The following KRT82 variants were observed in gnomAD, a reference collection of about 807,000 sequenced individuals.
KRT82 encodes keratin, type II cuticular Hb2.
In KRT82, 44 loss-of-function variants were observed where a neutral mutation model predicts 48.0. That is an observed-to-expected ratio of 0.92 (90% CI 0.72 to 1.18). The LOEUF (loss-of-function observed/expected upper bound fraction) is 1.18, where lower values mean the gene tolerates loss of function less well. KRT82 is among the 50% of genes most tolerant of loss of function. The pLI is 0.00. For synonymous variants in KRT82, 297 were observed against 278.3 expected, an observed-to-expected ratio of 1.07 and a Z score of -0.67; for missense variants, 701 against 671.4, an observed-to-expected ratio of 1.04 and a Z score of -0.49.
chr12:52,404,616 G>A (rs1001077938), intron 1 of KRT82, among the ~76,000 whole-genome samples: 8 of 152,168 alleles, frequency 5.3e-5, no homozygotes, highest in Non-Finnish European at 1.0e-4. Flanking sequence ...TTTCCACATC[G>A]TGCATTGTCT....
Position 52,400,601 on chromosome 12 carries a change from T to A in KRT82, c.703A>T (p.Met235Leu). ...LKKDVDTAFL[M>L]KADLETNAEA... ...GCGTTGGTCTCCAGGTCAGCCTTCA[T>A]CAGGAAGGCTGTGTCCACGTCCTGC... The change falls in exon 4 of 9, where the codon ATG (methionine) becomes TTG (leucine). Residue 235 changes from methionine to leucine, a missense_variant. Met to Leu is a conservative substitution (Grantham distance 15). Transcript: ENST00000257974. The A allele has an allele frequency of 6.2e-7, 1 of 1,613,890 alleles. No individual in the cohort carries two copies. The highest frequency in any genetic ancestry group is 8.5e-7 in the Non-Finnish European group (1 of 1,179,850).
chr12:52,406,264 G>C lies in KRT82; in HGVS notation c.14C>G (p.Ser5Cys). The C allele has an allele frequency of 6.3e-7, 1 of 1,598,022 alleles. No individual in the cohort carries two copies. MSYHSFQPGSRCGSQ... is the reference protein window; with the variant it reads MSYHCFQPGSRCGSQ... ...GCCACACCTGGAGCCTGGCTGGAAA[G>C]AGTGGTACGACATGGCAGGAGAGAG... Residue 5 changes from serine to cysteine, a missense_variant, in exon 1 of 9, where the codon TCT (serine) becomes TGT (cysteine). By Grantham distance (112) the Ser-to-Cys change is moderately radical. Transcript: ENST00000257974.
Position 52,403,761 on chromosome 12 carries a change from C to T in KRT82, c.560G>A (p.Arg187His), listed in dbSNP as rs113026141. The change falls in exon 2 of 9, where the codon CGC becomes CAC. Residue 187 changes from arginine (R) to histidine (H), a missense_variant. Coordinates refer to ENST00000257974, the MANE Select transcript of KRT82 (RefSeq NM_033033.4). ...GCAGAGCTCTGACTCTAGCCTCACGCGGTCCCCGGACACACAGTCCAGCTG... is the reference window on the plus strand; with the variant it reads ...GCAGAGCTCTGACTCTAGCCTCACGTGGTCCCCGGACACACAGTCCAGCTG... ...RRQLDCVSGD[R>H]VRLESELCSL... 66 of 1,613,400 alleles carry T rather than the reference C, an allele frequency of 4.1e-5. 1 individual carries two copies. The highest frequency in any genetic ancestry group is 2.1e-4 in the African/African-American group (16 of 75,042).
rs1271687404 is a variant in KRT82 at position 52,394,691 on chromosome 12, A to G, written c.*284T>C. The G allele has an allele frequency of 3.8e-5, 19 of 496,938 alleles. No homozygotes were observed. The highest frequency in any genetic ancestry group is 7.0e-5 in the Non-Finnish European group (19 of 272,896). 30.8% of individuals were successfully genotyped at this position (496,938 alleles called of 1,614,324 possible). A position where few individuals can be genotyped will look rare whatever the true frequency, so the allele number is the denominator to read the frequency against. ...GTGCCCATTTGACCTTTTGGGGGTT[A>G]TTGCCATTCTGCGGTTAAGAGCAAT... On this transcript the variant is annotated 3_prime_UTR_variant, in exon 9 of 9. Transcript: ENST00000257974.
rs536501280 is a variant in KRT82 at position 52,396,187 on chromosome 12, C to T, written c.1114G>A (p.Glu372Lys). The T allele has an allele frequency of 5.0e-6, 8 of 1,614,126 alleles. No individual in the cohort carries two copies. The highest frequency in any genetic ancestry group is 1.6e-4 in the Middle Eastern group (1 of 6,062). ...CACTTGGCATCATTGAGAGCCGCCT[C>T]GCCCTGCTGCTCTGCCTCAGCTATG... ...GAIAEAEQQGEAALNDAKCKL... is the reference protein window; with the variant it reads ...GAIAEAEQQGKAALNDAKCKL... The change falls in exon 7 of 9, where the codon GAG (glutamate) becomes AAG (lysine). Residue 372 changes from glutamate to lysine, a missense_variant. Coordinates refer to ENST00000257974, the MANE Select transcript of KRT82 (RefSeq NM_033033.4).
intron 2 of KRT82, 97 bp from the exon 3 acceptor site, chr12:52,401,446 G>T: frequency 8.3e-7 from 1 of 1,205,766 alleles, no homozygotes; most frequent in Non-Finnish European, 1.2e-6. Context: ...GCCTGTCACT[G>T]ACTGAATGCC....
chr12:52,403,081 A>G (rs920297298), intron 2 of KRT82, among the ~76,000 whole-genome samples: 1 of 152,172 alleles, frequency 6.6e-6, no homozygotes, highest in African/African-American at 2.4e-5. Flanking sequence ...CACCTACTCC[A>G]AGCTGTGAAT....
intron 4 of KRT82, 127 bp downstream of exon 4, chr12:52,400,400 C>T (rs1939772475): frequency 5.2e-6 from 4 of 763,046 alleles, no homozygotes; most frequent in East Asian, 5.1e-5. Flanking sequence ...CGCCTGAGAA[C>T]GTCTCTACAG....
Position 52,396,019 on chromosome 12 carries a change from C to G in KRT82, c.1282G>C (p.Glu428Gln), listed in dbSNP as rs780950139. ...ATYRRLLEGE[E>Q]HRLCEGIGPV... The stretch of plus-strand genomic sequence containing the variant: ...CCTCCTGGAGGAGCTCACCTGTGCT[C>G]TTCACCCTCCAGCAGGCGCCTGTAG... Residue 428 changes from glutamate (E) to glutamine (Q), a missense_variant, in exon 7 of 9, where the codon GAG (glutamate) becomes CAG (glutamine). Glu to Gln is a conservative substitution (Grantham distance 29). Coordinates refer to ENST00000257974, the MANE Select transcript of KRT82 (RefSeq NM_033033.4). The G allele has an allele frequency of 3.1e-6, 5 of 1,614,028 alleles. No individual in the cohort carries two copies. The highest frequency in any genetic ancestry group is 4.2e-6 in the Non-Finnish European group (5 of 1,180,034).
intron 7 of KRT82, 65 bp downstream of exon 7, chr12:52,395,947 A>G (rs1320042899): frequency 1.9e-6 from 3 of 1,598,984 alleles, no homozygotes; most frequent in Non-Finnish European, 2.6e-6. Context: ...AGCAGCCGCC[A>G]CCAGAGGGCT....
chr12:52,406,162 C>T lies in KRT82; in HGVS notation c.116G>A (p.Arg39Gln), dbSNP rs567549946. Reference protein sequence around the residue: ...THYAVSKGPCRPGGGRGLRAL... With the variant: ...THYAVSKGPCQPGGGRGLRAL... ...TCGGAGGCCCCTACCACCCCCGGGC[C>T]GGCATGGCCCCTTGCTCACTGCATA... Residue 39 changes from arginine (R) to glutamine (Q), a missense_variant, in exon 1 of 9, where the codon CGG becomes CAG. Physicochemically the swap from Arg to Gln is conservative, Grantham distance 43. Coordinates refer to ENST00000257974, the MANE Select transcript of KRT82 (RefSeq NM_033033.4). The T allele has an allele frequency of 4.1e-5, 66 of 1,613,176 alleles. No homozygotes were observed. The Middle Eastern group carries it at 8.2e-4, about 20-fold the overall frequency.
In KRT82 at chr12:52,394,521, T is replaced by C; in HGVS notation, c.*454A>G. On this transcript the variant is annotated 3_prime_UTR_variant, in exon 9 of 9. Coordinates refer to ENST00000257974, the MANE Select transcript of KRT82 (RefSeq NM_033033.4). The stretch of plus-strand genomic sequence containing the variant: ...GTGTCTCCTTTTGATATTTGCAGTG[T>C]GCATGTTTCAGGCGGTGTTAAAGGA... 1 of 178,000 alleles carries C rather than the reference T, an allele frequency of 5.6e-6. No homozygotes were observed. Among genetic ancestry groups the C allele is most frequent in the Non-Finnish European group, 1.2e-5 (1 of 84,138 alleles). 11.0% of individuals were successfully genotyped at this position (178,000 alleles called of 1,614,324 possible).
intron 2 of KRT82, among the ~76,000 whole-genome samples, chr12:52,402,700 G>A (rs1308461550): frequency 6.6e-6 from 1 of 152,214 alleles, no homozygotes; most frequent in African/African-American, 2.4e-5. Context: ...CTGGGAAAGA[G>A]TTAGCCTTTT....
rs369395089 is a variant in KRT82 at position 52,397,025 on chromosome 12, G to T, written c.943-17C>A. The T allele has an allele frequency of 2.5e-6, 4 of 1,612,812 alleles. No individual in the cohort carries two copies. Among genetic ancestry groups the T allele is most frequent in the Non-Finnish European group, 2.5e-6 (3 of 1,179,846 alleles). Reference sequence around the variant, plus strand: ...CTCCTCATACTGCCAGGACAGAGAGGTCAGAGCCCCAGGCCCCACAAGATG... The same window carrying T: ...CTCCTCATACTGCCAGGACAGAGAGTTCAGAGCCCCAGGCCCCACAAGATG... On this transcript the variant is annotated splice_polypyrimidine_tract_variant and intron_variant, in intron 5 of 8. Transcript: ENST00000257974.
intron 5 of KRT82, 32 bp downstream of exon 5, chr12:52,399,953 C>T: frequency 6.2e-7 from 1 of 1,602,260 alleles, no homozygotes; most frequent in Non-Finnish European, 8.5e-7. Flanking sequence ...GTCACCTCTC[C>T]AGTCTCCCTG....
At chr12:52,400,182 C>T in intron 4 of KRT82, 33 bp from the exon 5 acceptor site, 1 of 1,596,860 alleles carries the variant, frequency 6.3e-7, no homozygotes, top group South Asian at 1.1e-5. Context: ...AAGGAGTGAG[C>T]TCTCTGAGCG....
At position 52,396,970 on chromosome 12, in the gene KRT82, G is replaced by A; in HGVS notation, c.981C>T (p.Asp327=). The part of the protein sequence containing the change: ...ELRVTAGNHC[D]NLRNRKNEIL... ...TCTCGTTCTTACGGTTGCGGAGGTTGTCACAGTGGTTCCCAGCTGTGACTC... is the reference window on the plus strand; with the variant it reads ...TCTCGTTCTTACGGTTGCGGAGGTTATCACAGTGGTTCCCAGCTGTGACTC... Residue 327 remains aspartate, a synonymous_variant, in exon 6 of 9, where the codon GAC becomes GAT. Coordinates refer to ENST00000257974, the MANE Select transcript of KRT82 (RefSeq NM_033033.4). 1 of 1,614,002 alleles carries A rather than the reference G, an allele frequency of 6.2e-7. No homozygotes were observed. The highest frequency in any genetic ancestry group is 8.5e-7 in the Non-Finnish European group (1 of 1,180,004).
At chr12:52,400,290 C>A in intron 4 of KRT82, 141 bp from the exon 5 acceptor site, 1 of 903,030 alleles carries the variant, frequency 1.1e-6, no homozygotes. Flanking sequence ...CACCAACTGA[C>A]TCCTTGTCCC....
In KRT82 at chr12:52,394,855, G is replaced by A; in HGVS notation, c.*120C>T. 1.2e-6 allele frequency: 1 copy of A among 845,936 alleles called. No individual in the cohort carries two copies. 52.4% of individuals were successfully genotyped at this position (845,936 alleles called of 1,614,324 possible). A position where few individuals can be genotyped will look rare whatever the true frequency, so the allele number is the denominator to read the frequency against. On this transcript the variant is annotated 3_prime_UTR_variant, in exon 9 of 9. Coordinates refer to ENST00000257974, the MANE Select transcript of KRT82 (RefSeq NM_033033.4). ...CTCTCAAGGAGGGAACACTGGAGGG[G>A]AATGTGGAGTCAATAAAGGGAGGTG... is the stretch of plus-strand genomic sequence containing the variant.
Sources: gnomAD v4.1 joint callset for allele counts (sites outside exome capture counted in the v4.1 genomes callset) on GRCh38, gnomAD v4.1.1 for gene constraint, MANE v1.5 for transcripts, NCBI Gene and HGNC (gene_info 2026-07-23, HGNC 2026-07-21) for gene names.